The following MTAP variants were observed in gnomAD, a reference collection of about 807,000 sequenced individuals.
MTAP encodes S-methyl-5'-thioadenosine phosphorylase.
A neutral mutation model predicts 33.6 loss-of-function variants in MTAP; 33 were observed. That is an observed-to-expected ratio of 0.98 (90% CI 0.74 to 1.31). The LOEUF (loss-of-function observed/expected upper bound fraction) is 1.31. MTAP is among the 40% of genes most tolerant of loss of function. The pLI, the probability that MTAP is intolerant of heterozygous loss-of-function variation, is 0.00. For missense variants in MTAP, 367 were observed against 360.0 expected (o/e 1.02, Z -0.16); for synonymous variants, 148 against 125.7 (o/e 1.18, Z -1.19).
At chr9:21,891,068 T>C (rs145862498) in intron 1 of MTAP, among the ~76,000 whole-genome samples, 4 of 152,200 alleles carry the variant, frequency 2.6e-5, no homozygotes, top group South Asian at 2.1e-4. Flanking sequence ...TCTAGCATAA[T>C]TGAAAGAAGG....
intron 1 of MTAP, among the ~76,000 whole-genome samples, chr9:21,872,173 C>A (rs1046349133): frequency 6.6e-6 from 1 of 152,120 alleles, no homozygotes; most frequent in Non-Finnish European, 1.5e-5. Context: ...ATTAAACAGG[C>A]ATGATGGTAG....
chr9:21,854,956 GTTTCAGAAAGTGCC>G, intron 6 of MTAP, 86 bp downstream of exon 6: 1 of 1,503,020 alleles, frequency 6.7e-7, no homozygotes, highest in East Asian at 2.3e-5. Context: ...TATTACGTTA[GTTTCAGAAAGTGCC>G]TTTCTACAAG....
intron 1 of MTAP, among the ~76,000 whole-genome samples, chr9:21,887,861 T>C (rs181265467): frequency 1.3e-5 from 2 of 152,260 alleles, no homozygotes; most frequent in East Asian, 3.9e-4. Flanking sequence ...GTTAGATATA[T>C]CCTAAGTTTT....
chr9:21,939,919 C>T (rs1819108415), downstream of MTAP, among the ~76,000 whole-genome samples: 1 of 151,930 alleles, frequency 6.6e-6, no homozygotes, highest in South Asian at 2.1e-4. Context: ...TAACAGGACA[C>T]AATTAGAAAC....
At chr9:21,870,559 A>G (rs1825920839), downstream of MTAP, among the ~76,000 whole-genome samples, 1 of 152,178 alleles carries the variant, frequency 6.6e-6, no homozygotes, top group South Asian at 2.1e-4. Context: ...TGATAGAAAT[A>G]TGTGAGCCAA....
At chr9:21,932,435 T>C (rs780164887), downstream of MTAP, 1 of 152,202 alleles carries the variant, frequency 6.6e-6, no homozygotes, top group Non-Finnish European at 1.5e-5. Flanking sequence ...ATGTGCAACT[T>C]CTTCAATTAC....
downstream of MTAP, among the ~76,000 whole-genome samples, chr9:21,939,915 G>A (rs959423577): frequency 6.6e-6 from 1 of 151,816 alleles, no homozygotes; most frequent in African/African-American, 2.4e-5. Flanking sequence ...CCTATAACAG[G>A]ACACAATTAG....
intron 1 of MTAP, among the ~76,000 whole-genome samples, chr9:21,901,545 A>T (rs1410241123): frequency 1.3e-5 from 2 of 152,156 alleles, no homozygotes; most frequent in East Asian, 3.9e-4. Context: ...TTTTCATATG[A>T]TTATTAACTA....
chr9:21,825,702 G>A (rs1291982483), intron 4 of MTAP, among the ~76,000 whole-genome samples: 1 of 152,176 alleles, frequency 6.6e-6, no homozygotes, highest in African/African-American at 2.4e-5. Context: ...TTAGCCATGT[G>A]TGTTGATATA....
At position 21,818,034 on chromosome 9, in the gene MTAP, G is replaced by C; in HGVS notation, c.180-1G>C. On this transcript the variant is annotated splice_acceptor_variant, in intron 3 of 7. Coordinates refer to ENST00000644715, the MANE Select transcript of MTAP (RefSeq NM_002451.4). LOFTEE classifies it high-confidence loss of function. The stretch of plus-strand genomic sequence containing the variant: ...TAACAATTTCTTCTCTCCTTCCATA[G>C]GCATGGAAGGCAGCACACCATCATG... The C allele has an allele frequency of 6.2e-7, 1 of 1,608,084 alleles. No homozygotes were observed.
At chr9:21,814,410 A>G (rs1824427237) in intron 1 of MTAP, among the ~76,000 whole-genome samples, 1 of 152,162 alleles carries the variant, frequency 6.6e-6, no homozygotes, top group African/African-American at 2.4e-5. Flanking sequence ...AAAGCTTTTC[A>G]TTGAAAAACA....
chr9:21,894,053 T>C (rs1341315428), intron 1 of MTAP, among the ~76,000 whole-genome samples: 5 of 152,006 alleles, frequency 3.3e-5, no homozygotes, highest in African/African-American at 4.8e-5. Flanking sequence ...TAATCCACCA[T>C]GATCAAGTAG....
intron 1 of MTAP, among the ~76,000 whole-genome samples, chr9:21,891,887 G>T (rs994100003): frequency 1.3e-5 from 2 of 152,046 alleles, no homozygotes; most frequent in Non-Finnish European, 2.9e-5. Flanking sequence ...GAATAGGAAG[G>T]TCACTGACAA....
intron 4 of MTAP, among the ~76,000 whole-genome samples, chr9:21,829,127 C>G (rs1563837457): frequency 6.6e-6 from 1 of 152,184 alleles, no homozygotes; most frequent in South Asian, 2.1e-4. Context: ...ACGGGCATCT[C>G]CTACCTCCAC....
intron 1 of MTAP, among the ~76,000 whole-genome samples, chr9:21,916,396 T>C (rs1180389542): frequency 6.6e-6 from 1 of 151,884 alleles, no homozygotes; most frequent in Admixed American, 6.6e-5. Context: ...GATCACTTGA[T>C]GTCAGGAGTT....
At chr9:21,854,269 A>G (rs1825582932) in intron 5 of MTAP, among the ~76,000 whole-genome samples, 1 of 152,232 alleles carries the variant, frequency 6.6e-6, no homozygotes, top group Non-Finnish European at 1.5e-5. Flanking sequence ...GCGAGGTTAA[A>G]AGTTAAGACT....
At position 21,816,493 on chromosome 9, in the gene MTAP, A is replaced by C. The variant is rs140380079; in HGVS notation, c.121-221A>C. On this transcript the variant is annotated intron_variant, in intron 2 of 7. Transcript: ENST00000644715. ...ATAGATCTGACTAAATGGTACCTAC[A>C]CAGGTGCCCATGGTAACCTTGAGTC... is the stretch of plus-strand genomic sequence containing the variant. 1.1e-3 allele frequency among the ~76,000 whole-genome samples: 160 copies of C among 152,292 alleles called. 1 individual carries two copies. The highest frequency in any genetic ancestry group is 3.6e-3 in the African/African-American group (148 of 41,566).
At chr9:21,893,683 C>T (rs577109921) in intron 1 of MTAP, 2 of 152,188 alleles carry the variant, frequency 1.3e-5, no homozygotes, top group East Asian at 3.9e-4. Context: ...CGTACAACCT[C>T]TCAAGATTAA....
At chr9:21,847,507 C>G (rs1292339919) in intron 5 of MTAP, among the ~76,000 whole-genome samples, 1 of 152,094 alleles carries the variant, frequency 6.6e-6, no homozygotes, top group African/African-American at 2.4e-5. Context: ...GAGAGTTATG[C>G]AAAATAAATA....
Sources: gnomAD v4.1 joint callset for allele counts (sites outside exome capture counted in the v4.1 genomes callset) on GRCh38, gnomAD v4.1.1 for gene constraint, MANE v1.5 for transcripts, NCBI Gene and HGNC (gene_info 2026-07-23, HGNC 2026-07-21) for gene names.